GIT2: variants seen among roughly 807,000 people sequenced by gnomAD.
GIT2 encodes ARF GTPase-activating protein GIT2.
GIT2 carries 32 observed loss-of-function variants against 100.3 expected under a neutral mutation model. That is an observed-to-expected ratio of 0.32 (90% CI 0.24 to 0.43). The LOEUF (loss-of-function observed/expected upper bound fraction) is 0.43, where lower values mean the gene tolerates loss of function less well. GIT2 is among the 20% of genes least tolerant of loss of function. The probability of loss-of-function intolerance (pLI) is 1.00; values close to 1 mark genes in which losing one functional copy is unlikely to be tolerated. For synonymous variants in GIT2, 353 were observed against 364.1 expected (o/e 0.97, Z 0.35); for missense variants, 737 against 975.1 (o/e 0.76, Z 3.25).
chr12:109,945,224 T>A (rs752344636), intron 16 of GIT2, 36 bp downstream of exon 16: 1 of 1,037,794 alleles, frequency 9.6e-7, no homozygotes, highest in South Asian at 1.3e-5. Context: ...GCACGGCCCC[T>A]CCTCCAGAGA....
Position 109,965,527 on chromosome 12 carries a change from G to T in GIT2, c.815C>A (p.Ser272Tyr). 1 of 1,575,486 alleles carries T rather than the reference G, an allele frequency of 6.3e-7. No individual in the cohort carries two copies. The highest frequency in any genetic ancestry group is 8.7e-7 in the Non-Finnish European group (1 of 1,147,280). The change falls in exon 9 of 20, where the codon TCT becomes TAT. Residue 272 changes from serine (S) to tyrosine (Y), a missense_variant and splice_region_variant. Around this residue, in one of 3 missense-constraint regions of GIT2, gnomAD observed 266 missense variants for 376.2 expected, o/e 0.71. Transcript: ENST00000355312. ...LAKAAKKKLQ[S>Y]LSNHLFEELA... is the part of the protein sequence containing the mutation. ...AAACCAGTACAGAGAAATACTCACA[G>T]ATTGAAGTTTCTTCTTAGCAGCTTT...
At chr12:109,990,647 T>G (rs551267171) in intron 2 of GIT2, among the ~76,000 whole-genome samples, 7 of 152,152 alleles carry the variant, frequency 4.6e-5, no homozygotes, top group South Asian at 2.1e-4. Context: ...CAGTGAAATG[T>G]GTAATCAAGA....
At chr12:109,955,290 A>T (rs1397787590) in intron 12 of GIT2, among the ~76,000 whole-genome samples, 1 of 151,746 alleles carries the variant, frequency 6.6e-6, no homozygotes, top group Non-Finnish European at 1.5e-5. Context: ...CACCCAGCTA[A>T]TTTTTTTGTA....
chr12:109,932,838 A>G lies in GIT2; in HGVS notation c.*140T>C. The G allele has an allele frequency of 1.6e-6, 1 of 618,060 alleles. No homozygotes were observed. Among genetic ancestry groups the G allele is most frequent in the Non-Finnish European group, 2.9e-6 (1 of 347,428 alleles). 38.3% of individuals were successfully genotyped at this position (618,060 alleles called of 1,614,324 possible). A position where few individuals can be genotyped will look rare whatever the true frequency, so the allele number is the denominator to read the frequency against. ...AAAATTGGTTAGAAAACATGCAAAA[A>G]TAATACTGAGTTTTCTTTTAAAAAG... On this transcript the variant is annotated 3_prime_UTR_variant, in exon 20 of 20. Coordinates refer to ENST00000355312, the MANE Select transcript of GIT2 (RefSeq NM_057169.5).
At chr12:109,938,272 C>A in intron 18 of GIT2, 108 bp downstream of exon 18, 1 of 756,266 alleles carries the variant, frequency 1.3e-6, no homozygotes, top group Admixed American at 2.5e-5. Flanking sequence ...TTTTCAATGA[C>A]CTTGAAGTCA....
At chr12:109,939,682 A>AAAATAAAATAAATAAATAAAT (rs1555222499) in intron 16 of GIT2, 1 of 140,254 alleles carries the variant, frequency 7.1e-6, no homozygotes, top group Non-Finnish European at 1.5e-5. Context: ...AAAAATAAAT[A>AAAATAAAATAAATAAATAAAT]AAATAAATAA....
rs1351266532 is a variant in GIT2 at position 109,948,821 on chromosome 12, C to T, written c.1393-1317G>A. ...TACACCAATAGTAGTTGCTCCTCTT[C>T]ATTAATTAGCATCTTTTCCAAGCAA... On this transcript the variant is annotated intron_variant, in intron 14 of 19. Transcript: ENST00000355312. This position sits in a 1 kb window ranked among gnomAD's most constrained non-coding sequence, Gnocchi z 4.3. The T allele has an allele frequency of 6.2e-7, 1 of 1,602,864 alleles. No homozygotes were observed. The highest frequency in any genetic ancestry group is 8.5e-7 in the Non-Finnish European group (1 of 1,173,496).
At chr12:109,967,338 A>G (rs1882751372) in intron 8 of GIT2, 120 bp downstream of exon 8, 2 of 1,596,292 alleles carry the variant, frequency 1.3e-6, no homozygotes, top group Non-Finnish European at 1.7e-6. Context: ...CAAATGGTAT[A>G]GCCATAAAAG....
chr12:109,938,944 G>C lies in GIT2; in HGVS notation c.1814+221C>G, dbSNP rs1159149872. Reference sequence around the variant, plus strand: ...ACTTTAAACACACTACAGACAGCTAGAGACACATAACATGCTGGTACAAAG... The same window carrying C: ...ACTTTAAACACACTACAGACAGCTACAGACACATAACATGCTGGTACAAAG... On this transcript the variant is annotated intron_variant, in intron 17 of 19. Transcript: ENST00000355312. 7.4e-6 allele frequency: 4 copies of C among 543,798 alleles called. No homozygotes were observed. The East Asian group carries it at 1.3e-4, about 17-fold the overall frequency. The allele number at this position is 543,798 out of a possible 1,614,324, so 33.7% of individuals were successfully genotyped here. A position where few individuals can be genotyped will look rare whatever the true frequency, so the allele number is the denominator to read the frequency against.
intron 2 of GIT2, among the ~76,000 whole-genome samples, chr12:109,990,383 G>A (rs1888148235): frequency 6.6e-6 from 1 of 152,176 alleles, no homozygotes; most frequent in Non-Finnish European, 1.5e-5. Context: ...CTACAATCTG[G>A]CTTTGCAAAC....
intron 18 of GIT2, among the ~76,000 whole-genome samples, chr12:109,937,981 G>A (rs1873515138): frequency 6.6e-6 from 1 of 152,186 alleles, no homozygotes; most frequent in Non-Finnish European, 1.5e-5. Context: ...GGGATTACAG[G>A]TGTGAGCCAC....
chr12:109,965,790 G>T, intron 8 of GIT2: 3 of 690,006 alleles, frequency 4.3e-6, no homozygotes, highest in Non-Finnish European at 8.1e-6. Context: ...TCATGTAAGT[G>T]TTAAAGAGGA....
chr12:109,961,661 G>T lies in GIT2; in HGVS notation c.841C>A (p.Leu281Ile), dbSNP rs1388281497. The T allele has an allele frequency of 6.2e-7, 1 of 1,602,724 alleles. No homozygotes were observed. Among genetic ancestry groups the T allele is most frequent in the Non-Finnish European group, 8.5e-7 (1 of 1,169,928 alleles). ...QSLSNHLFEE[L>I]AMDVYDEVDR... ...ACTTCATCGTACACATCCATGGCAA[G>T]TTCTTCAAACAAATGATTACTTAGC... Residue 281 changes from leucine (L) to isoleucine (I), a missense_variant, in exon 10 of 20, where the codon CTT becomes ATT. Leu to Ile is a conservative substitution (Grantham distance 5). This residue lies in a region of GIT2 where 266 missense variants were observed against 376.2 expected (regional missense o/e 0.71). Transcript: ENST00000355312.
rs370910924 is a variant in GIT2, at chr12:109,981,056, G to C, written c.624-10C>G. The C allele has an allele frequency of 1.3e-6, 2 of 1,568,448 alleles. No homozygotes were observed. The highest frequency in any genetic ancestry group is 2.7e-5 in the African/African-American group (2 of 74,088). On this transcript the variant is annotated splice_polypyrimidine_tract_variant and intron_variant, in intron 6 of 19. Transcript: ENST00000355312. ...ATGGTGCCCTCCTTGCCTACCAAGA[G>C]AAAACAAAGTACCATTTATATTGCT...
At chr12:109,943,515 A>G (rs2136206038) in intron 16 of GIT2, among the ~76,000 whole-genome samples, 1 of 152,250 alleles carries the variant, frequency 6.6e-6, no homozygotes, top group South Asian at 2.1e-4. Flanking sequence ...TTGTATTTTT[A>G]GTAGAGACAG....
Position 109,947,255 on chromosome 12 carries a change from C to T in GIT2, c.1641+1G>A, listed in dbSNP as rs1876597231. On this transcript the variant is annotated splice_donor_variant, in intron 15 of 19. Transcript: ENST00000355312. LOFTEE classifies it high-confidence loss of function. The surrounding 1 kb of genome is among the most constrained non-coding windows in gnomAD (Gnocchi z 4.3). ...GCAGAAGCGCCAGTGGTGTTACTTA[C>T]GTGCGCGGGGAAGGGCTGGAGTCTC... The T allele has an allele frequency of 1.2e-6, 2 of 1,611,544 alleles. 1 individual carries two copies. Among genetic ancestry groups the T allele is most frequent in the Non-Finnish European group, 1.7e-6 (2 of 1,178,298 alleles).
chr12:109,963,582 C>A (rs904555262), intron 9 of GIT2, among the ~76,000 whole-genome samples: 8 of 152,124 alleles, frequency 5.3e-5, no homozygotes, highest in African/African-American at 1.9e-4. Flanking sequence ...GACCTGAGAT[C>A]CAAGTTTACA....
At chr12:109,981,209 T>A (rs1296905793) in intron 6 of GIT2, 163 bp from the exon 7 acceptor site, 2 of 599,334 alleles carry the variant, frequency 3.3e-6, no homozygotes, top group African/African-American at 1.8e-5. Context: ...CTACTTTGCA[T>A]CCCACTTTTA....
At chr12:109,960,018 C>T in intron 11 of GIT2, 60 bp from the exon 12 acceptor site, 1 of 1,072,926 alleles carries the variant, frequency 9.3e-7, no homozygotes, top group Non-Finnish European at 1.4e-6. Flanking sequence ...CATAAATAGT[C>T]ACATAAAACT....
Sources: gnomAD v4.1 joint callset for allele counts (sites outside exome capture counted in the v4.1 genomes callset) on GRCh38, gnomAD v4.1.1 for gene constraint, gnomAD v4.1.1 regional missense constraint, Gnocchi (gnomAD v3.1) non-coding constraint, MANE v1.5 for transcripts, NCBI Gene and HGNC (gene_info 2026-07-23, HGNC 2026-07-21) for gene names.